The following DIPK1B variants were observed in gnomAD, a reference collection of about 807,000 sequenced individuals.
DIPK1B encodes the protein family with sequence similarity 69 member B.
Under a neutral mutation model 20.7 loss-of-function variants are expected in DIPK1B, and 17 were observed. That is an observed-to-expected ratio of 0.82 (90% CI 0.56 to 1.23). The LOEUF (loss-of-function observed/expected upper bound fraction) is 1.23. Ranked by LOEUF, DIPK1B falls within the 50% of genes most tolerant of loss-of-function variation. DIPK1B has a pLI of 0.00. For synonymous variants in DIPK1B, 343 were observed against 276.5 expected (o/e 1.24, Z -2.39); for missense variants, 648 against 601.8 (o/e 1.08, Z -0.80).
chr9:136,721,303 G>C (rs1215672406), intron 2 of DIPK1B: 4 of 152,328 alleles, frequency 2.6e-5, no homozygotes, highest in African/African-American at 9.7e-5. Flanking sequence ...GCCTGGGTGG[G>C]GCAGCTCCTG....
intron 1 of DIPK1B, among the ~76,000 whole-genome samples, chr9:136,713,085 G>C (rs1305212479): frequency 6.6e-6 from 1 of 152,212 alleles, no homozygotes; most frequent in East Asian, 1.9e-4. Flanking sequence ...GGGACGCACA[G>C]AAACGCCCTG....
chr9:136,720,686 T>G (rs1846585140), intron 2 of DIPK1B, among the ~76,000 whole-genome samples: 1 of 152,194 alleles, frequency 6.6e-6, no homozygotes, highest in Non-Finnish European at 1.5e-5. Context: ...GGAGTCATTG[T>G]GGGGCCCCAG....
At chr9:136,722,787 GAC>G (rs35378043) in intron 4 of DIPK1B, 173 bp from the exon 5 acceptor site, 227,750 of 665,994 alleles carry the variant, frequency 0.34, 40,330 homozygotes, top group African/African-American at 0.4. Flanking sequence ...AGAGTGAGCT[GAC>G]ACATTGCTGG....
At chr9:136,720,684 T>C (rs745778972) in intron 2 of DIPK1B, among the ~76,000 whole-genome samples, 1 of 152,132 alleles carries the variant, frequency 6.6e-6, no homozygotes, top group African/African-American at 2.4e-5. Flanking sequence ...CCGGAGTCAT[T>C]GTGGGGCCCC....
intron 1 of DIPK1B, among the ~76,000 whole-genome samples, chr9:136,716,471 T>C (rs1162323619): frequency 1.3e-5 from 2 of 151,928 alleles, no homozygotes; most frequent in Non-Finnish European, 2.9e-5. Context: ...TTTTGCCATG[T>C]TGCCCAGGCT....
chr9:136,722,507 G>A (rs372332008), intron 4 of DIPK1B: 26 of 653,828 alleles, frequency 4.0e-5, no homozygotes, highest in South Asian at 2.3e-4. Flanking sequence ...TGGGGGCGCC[G>A]GTGGGCTGGC....
Position 136,722,952 on chromosome 9 carries a change from C to G in DIPK1B, c.484-10C>G, listed in dbSNP as rs1376144117. 1 of 1,595,854 alleles carries G rather than the reference C, an allele frequency of 6.3e-7. No individual in the cohort carries two copies. Among genetic ancestry groups the G allele is most frequent in the Admixed American group, 1.7e-5 (1 of 58,670 alleles). On this transcript the variant is annotated splice_polypyrimidine_tract_variant and intron_variant, in intron 4 of 4. Transcript: ENST00000371692. ...GCTGGCTTTTCCTTTCTTTTGGTCCCAAACGCCAGGCGAACCTGGGAGACC... is the reference window on the plus strand; with the variant it reads ...GCTGGCTTTTCCTTTCTTTTGGTCCGAAACGCCAGGCGAACCTGGGAGACC...
chr9:136,723,978 G>A lies in DIPK1B; in HGVS notation c.*204G>A, dbSNP rs1369567293. ...CGGACATGGACATCCCGGCAGGAGA[G>A]TCCTCCAAGGGGGTTTGTTACTCTG... On this transcript the variant is annotated 3_prime_UTR_variant, in exon 5 of 5. Transcript: ENST00000371692. 2.3e-5 allele frequency: 14 copies of A among 607,348 alleles called. No individual in the cohort carries two copies. The highest frequency in any genetic ancestry group is 3.5e-5 in the Non-Finnish European group (12 of 345,474). The allele number at this position is 607,348 out of a possible 1,614,324, so 37.6% of individuals were successfully genotyped here. A position where few individuals can be genotyped will look rare whatever the true frequency, so the allele number is the denominator to read the frequency against.
rs1286276142 is a variant in DIPK1B, at chr9:136,722,198, C to A, written c.380C>A (p.Ala127Asp). ...CGIEETLDSK[A>D]RSDAAPRREL... Reference sequence around the variant, plus strand: ...ATTGAGGAGACCCTCGACTCCAAGGCCCGGTCGGATGCGGCCCCCCGGCGG... The same window carrying A: ...ATTGAGGAGACCCTCGACTCCAAGGACCGGTCGGATGCGGCCCCCCGGCGG... The change falls in exon 4 of 5, where the codon GCC (alanine) becomes GAC (aspartate). Residue 127 changes from alanine (A) to aspartate (D), a missense_variant. Ala to Asp is a moderately radical substitution (Grantham distance 126). Coordinates refer to ENST00000371692, the MANE Select transcript of DIPK1B (RefSeq NM_152421.4). The A allele has an allele frequency of 1.2e-6, 2 of 1,614,022 alleles. No homozygotes were observed. The highest frequency in any genetic ancestry group is 1.7e-5 in the Admixed American group (1 of 60,014).
intron 4 of DIPK1B, 35 bp from the exon 5 acceptor site, chr9:136,722,927 G>C: frequency 1.9e-6 from 3 of 1,557,420 alleles, no homozygotes; most frequent in Non-Finnish European, 2.6e-6. Flanking sequence ...CATCAAATCA[G>C]CTGGCTTTTC....
intron 2 of DIPK1B, among the ~76,000 whole-genome samples, chr9:136,720,032 G>A (rs1450442617): frequency 4.7e-5 from 7 of 149,446 alleles, no homozygotes; most frequent in African/African-American, 1.2e-4. Flanking sequence ...GGTTCCAGGC[G>A]CAGGGGCTGG....
chr9:136,712,655 C>A lies in DIPK1B; in HGVS notation c.-11C>A. 8.0e-7 allele frequency: 1 copy of A among 1,248,660 alleles called. No individual in the cohort carries two copies. The allele number at this position is 1,248,660 out of a possible 1,614,324, so 77.3% of individuals were successfully genotyped here. ...GCCGCGGGGCCCGCGCAGCCCCGGC[C>A]GGAGCCCACCATGCGGCGGCTGCGG... is the stretch of plus-strand genomic sequence containing the variant. On this transcript the variant is annotated 5_prime_UTR_variant, in exon 1 of 5. Coordinates refer to ENST00000371692, the MANE Select transcript of DIPK1B (RefSeq NM_152421.4). The surrounding 1 kb of genome is among the most constrained non-coding windows in gnomAD (Gnocchi z 5.6).
At chr9:136,714,305 C>T (rs1846465896) in intron 1 of DIPK1B, among the ~76,000 whole-genome samples, 1 of 152,194 alleles carries the variant, frequency 6.6e-6, no homozygotes, top group Non-Finnish European at 1.5e-5. Flanking sequence ...CCAGCCTGGG[C>T]AACACAGCAA....
At chr9:136,722,364 G>A (rs981740933) in intron 4 of DIPK1B, 63 bp downstream of exon 4, 121 of 1,538,312 alleles carry the variant, frequency 7.9e-5, no homozygotes, top group Non-Finnish European at 9.2e-5. Flanking sequence ...CCCAGCAGGC[G>A]GCCCTGGCAC....
Position 136,723,838 on chromosome 9 carries a change from C to T in DIPK1B, c.*64C>T. On this transcript the variant is annotated 3_prime_UTR_variant, in exon 5 of 5. Transcript: ENST00000371692. Reference sequence around the variant, plus strand: ...GCCAGGTGCCAGGGTCCAACCCTCCCTCAAGGAATCCTGTCAGAAGATGTG... The same window carrying T: ...GCCAGGTGCCAGGGTCCAACCCTCCTTCAAGGAATCCTGTCAGAAGATGTG... 1 of 1,439,116 alleles carries T rather than the reference C, an allele frequency of 6.9e-7. No individual in the cohort carries two copies. The highest frequency in any genetic ancestry group is 9.3e-7 in the Non-Finnish European group (1 of 1,075,402). The allele number at this position is 1,439,116 out of a possible 1,614,324, so 89.1% of individuals were successfully genotyped here.
At chr9:136,716,821 G>A (rs1222839341) in intron 1 of DIPK1B, among the ~76,000 whole-genome samples, 1 of 152,142 alleles carries the variant, frequency 6.6e-6, no homozygotes, top group South Asian at 2.1e-4. Flanking sequence ...TCTGCATTAC[G>A]GTGGACGGTG....
chr9:136,714,919 C>A (rs1010610690), intron 1 of DIPK1B, among the ~76,000 whole-genome samples: 4 of 152,238 alleles, frequency 2.6e-5, no homozygotes, highest in African/African-American at 9.6e-5. Flanking sequence ...CCAGAAAAAA[C>A]GACCTCAGCT....
intron 2 of DIPK1B, among the ~76,000 whole-genome samples, chr9:136,718,912 C>T (rs1016565826): frequency 1.3e-5 from 2 of 152,152 alleles, no homozygotes; most frequent in Non-Finnish European, 2.9e-5. Flanking sequence ...AGCTTCTGTG[C>T]CCAGGACTTG....
At chr9:136,716,131 C>A (rs1246948692) in intron 1 of DIPK1B, among the ~76,000 whole-genome samples, 5 of 152,082 alleles carry the variant, frequency 3.3e-5, no homozygotes, top group African/African-American at 1.2e-4. Flanking sequence ...GACATCAGAT[C>A]TCCTTCCTTC....
Sources: allele counts gnomAD v4.1 joint callset (sites outside exome capture counted in the v4.1 genomes callset), GRCh38; gene constraint gnomAD v4.1.1; non-coding constraint Gnocchi (gnomAD v3.1); transcripts MANE v1.5; gene names NCBI Gene and HGNC (gene_info 2026-07-23, HGNC 2026-07-21).